CTNNA3: variants seen among roughly 807,000 people sequenced by gnomAD.
CTNNA3 encodes catenin alpha 3.
A neutral mutation model predicts 95.7 loss-of-function variants in CTNNA3; 76 were observed. That is an observed-to-expected ratio of 0.79 (90% CI 0.66 to 0.96). The LOEUF is 0.96. CTNNA3 is among the 40% of genes least tolerant of loss of function. The pLI, the probability that CTNNA3 is intolerant of heterozygous loss-of-function variation, is 0.00. For synonymous variants in CTNNA3, 431 were observed against 374.4 expected (o/e 1.15, Z -1.74); for missense variants, 1,191 against 1,089.8 (o/e 1.09, Z -1.31).
In CTNNA3 at chr10:66,199,776, TATATATATATATATATATATATATATATA is replaced by T. The variant is rs1564755652; in HGVS notation, c.1884+80665_1884+80693del. Among the ~76,000 whole-genome samples the T allele has an allele frequency of 1.6e-3, 13 of 7,898 alleles. 1 individual carries two copies. Among genetic ancestry groups the T allele is most frequent in the South Asian group, 7.1e-3 (1 of 140 alleles). 5.2% of individuals were successfully genotyped at this position (7,898 alleles called of 152,430 possible). On this transcript the variant is annotated intron_variant, in intron 13 of 17. Transcript: ENST00000433211. ...GCCACCACGCCTGGCTATATATATA[TATATATATATATATATATATATATATATA>T]TTTTTTTTTTTTTTTTTTTTTTTTT... is the stretch of plus-strand genomic sequence containing the variant.
chr10:66,351,633 A>G (rs890019011), intron 12 of CTNNA3, among the ~76,000 whole-genome samples: 12 of 152,180 alleles, frequency 7.9e-5, no homozygotes, highest in Admixed American at 5.9e-4. Context: ...ACATGATCAC[A>G]TTGTAGATAT....
chr10:66,760,559 T>G (rs1243395365), intron 9 of CTNNA3, among the ~76,000 whole-genome samples: 1 of 152,168 alleles, frequency 6.6e-6, no homozygotes, highest in Non-Finnish European at 1.5e-5. Context: ...CCCATATAAT[T>G]TTCTCTTTTC....
chr10:66,630,564 A>G (rs1257507697), intron 9 of CTNNA3, among the ~76,000 whole-genome samples: 1 of 152,202 alleles, frequency 6.6e-6, no homozygotes, highest in Non-Finnish European at 1.5e-5. Context: ...CAAGTGTGGC[A>G]GATGGAAAGA....
At chr10:66,667,084 T>C (rs1846478543) in intron 9 of CTNNA3, among the ~76,000 whole-genome samples, 1 of 152,174 alleles carries the variant, frequency 6.6e-6, no homozygotes, top group South Asian at 2.1e-4. Flanking sequence ...TCCTTAAAAC[T>C]ATCTATCTAA....
At chr10:66,419,352 C>T (rs924718507) in intron 11 of CTNNA3, among the ~76,000 whole-genome samples, 1 of 151,940 alleles carries the variant, frequency 6.6e-6, no homozygotes, top group African/African-American at 2.4e-5. Flanking sequence ...AATATCTCTA[C>T]AAGGAAAACT....
Position 66,859,644 on chromosome 10 carries a change from GACCCA to G in CTNNA3, c.1048-84125_1048-84121del, listed in dbSNP as rs1343548886. ...GGATCTAGAACTGGAAATACCATGT[GACCCA>G]GCCATCCCATTACTGGGTATATACC... is the stretch of plus-strand genomic sequence containing the variant. On this transcript the variant is annotated intron_variant, in intron 7 of 17. Transcript: ENST00000433211. Among the ~76,000 whole-genome samples, 5 of 142,820 alleles carry G rather than the reference GACCCA, an allele frequency of 3.5e-5. No homozygotes were observed. In the East Asian group the frequency reaches 9.7e-4, roughly 28 times the overall value. 93.7% of individuals were successfully genotyped at this position (142,820 alleles called of 152,430 possible). A position where few individuals can be genotyped will look rare whatever the true frequency, so the allele number is the denominator to read the frequency against.
intron 11 of CTNNA3, among the ~76,000 whole-genome samples, chr10:66,413,185 A>G (rs2093121667): frequency 6.6e-6 from 1 of 152,196 alleles, no homozygotes. Context: ...TAGAGCCTAC[A>G]TTACAAACCT....
chr10:67,429,407 A>G (rs540440457), intron 5 of CTNNA3, among the ~76,000 whole-genome samples: 40 of 152,182 alleles, frequency 2.6e-4, no homozygotes, highest in African/African-American at 8.7e-4. Flanking sequence ...CTATCAATGA[A>G]TAAGTGTATA....
chr10:66,284,053 A>G (rs921744924), intron 12 of CTNNA3, among the ~76,000 whole-genome samples: 2 of 151,904 alleles, frequency 1.3e-5, no homozygotes, highest in Non-Finnish European at 2.9e-5. Context: ...GCCAGGTAGG[A>G]TAAGCTGTTC....
intron 5 of CTNNA3, among the ~76,000 whole-genome samples, chr10:67,499,979 G>C (rs1461433590): frequency 3.9e-5 from 6 of 152,142 alleles, no homozygotes; most frequent in Admixed American, 3.3e-4. Context: ...GCTAGCTTTT[G>C]AGTTTGTTTG....
At chr10:66,094,459 G>C (rs1047852749) in intron 14 of CTNNA3, among the ~76,000 whole-genome samples, 1 of 152,052 alleles carries the variant, frequency 6.6e-6, no homozygotes. Context: ...ATGGACAATG[G>C]AAGTTTACAA....
chr10:66,759,098 T>G (rs1044869041), intron 9 of CTNNA3, among the ~76,000 whole-genome samples: 1 of 152,098 alleles, frequency 6.6e-6, no homozygotes, highest in African/African-American at 2.4e-5. Flanking sequence ...CATTTGAAAA[T>G]TACCTTATGA....
chr10:66,430,445 G>A (rs2093284340), intron 11 of CTNNA3, among the ~76,000 whole-genome samples: 3 of 152,126 alleles, frequency 2.0e-5, no homozygotes, highest in Admixed American at 2.0e-4. Flanking sequence ...GCATTGCCAA[G>A]TCAATCCTAA....
At position 66,453,166 on chromosome 10, in the gene CTNNA3, G is replaced by A. The variant is rs148619868; in HGVS notation, c.1531+67451C>T. On this transcript the variant is annotated intron_variant, in intron 11 of 17. Coordinates refer to ENST00000433211, the MANE Select transcript of CTNNA3 (RefSeq NM_013266.4). ...TGGGAGGCAGAGGTTGCAGTGAGCC[G>A]AGATCGTGCCACTGTACTGCAGCCT... Among the ~76,000 whole-genome samples the A allele has an allele frequency of 3.5e-3, 527 of 151,572 alleles. 5 individuals are homozygous for A. The highest frequency in any genetic ancestry group is 0.012 in the African/African-American group (501 of 41,234).
At chr10:66,465,426 C>G (rs576458505) in intron 11 of CTNNA3, among the ~76,000 whole-genome samples, 1 of 152,254 alleles carries the variant, frequency 6.6e-6, no homozygotes, top group Admixed American at 6.5e-5. Flanking sequence ...TTACCCAGCA[C>G]TTTGACCCAT....
intron 1 of CTNNA3, among the ~76,000 whole-genome samples, chr10:67,723,798 A>G (rs117859086): frequency 0.017 from 2,573 of 151,806 alleles, 29 homozygotes; most frequent in Non-Finnish European, 0.026. Flanking sequence ...GCAGACCACA[A>G]TTCTCTCATG....
chr10:66,267,664 A>C (rs867585710), intron 13 of CTNNA3, among the ~76,000 whole-genome samples: 10 of 152,174 alleles, frequency 6.6e-5, no homozygotes, highest in Admixed American at 2.6e-4. Flanking sequence ...TATCCTGTAC[A>C]GGATAGAAAA....
At chr10:66,555,392 C>G (rs1564530442) in intron 10 of CTNNA3, among the ~76,000 whole-genome samples, 2 of 152,092 alleles carry the variant, frequency 1.3e-5, no homozygotes, top group African/African-American at 4.8e-5. Flanking sequence ...TACGTTTACA[C>G]TTAAGATAAA....
At chr10:66,201,627 T>C (rs2087412245) in intron 13 of CTNNA3, among the ~76,000 whole-genome samples, 1 of 152,158 alleles carries the variant, frequency 6.6e-6, no homozygotes, top group South Asian at 2.1e-4. Context: ...AAATATTTGT[T>C]ACGGTAATAC....
Sources: gnomAD v4.1 joint callset for allele counts (sites outside exome capture counted in the v4.1 genomes callset) on GRCh38, gnomAD v4.1.1 for gene constraint, MANE v1.5 for transcripts, NCBI Gene and HGNC (gene_info 2026-07-23, HGNC 2026-07-21) for gene names.